Variants in MTBP observed in about 807,000 individuals in gnomAD.
The protein encoded by MTBP is mdm2-binding protein.
In MTBP, 101 loss-of-function variants were observed where a neutral mutation model predicts 117.0. That is an observed-to-expected ratio of 0.86 (90% confidence interval 0.73 to 1.02). The LOEUF is 1.02. Ranked by LOEUF, MTBP falls within the 50% of genes least tolerant of loss-of-function variation. The pLI is 0.00. For missense variants in MTBP, 970 were observed against 1,030.9 expected, an observed-to-expected ratio of 0.94 and a Z score of 0.81; for synonymous variants, 350 against 351.5, an observed-to-expected ratio of 1.00 and a Z score of 0.05.
intron 13 of MTBP, among the ~76,000 whole-genome samples, chr8:120,492,094 C>T (rs932547002): frequency 5.3e-5 from 8 of 152,186 alleles, no homozygotes; most frequent in Non-Finnish European, 8.8e-5. Context: ...TGAAGACAAC[C>T]TTAGAGCTAG....
At chr8:120,446,129 TGAG>T (rs1164673940) in intron 1 of MTBP, among the ~76,000 whole-genome samples, 2 of 152,238 alleles carry the variant, frequency 1.3e-5, no homozygotes, top group Non-Finnish European at 2.9e-5. Context: ...ACAGGCATTT[TGAG>T]GAGTAAATGT....
chr8:120,502,684 G>A, intron 15 of MTBP, 75 bp downstream of exon 15: 1 of 903,704 alleles, frequency 1.1e-6, no homozygotes, highest in Non-Finnish European at 1.7e-6. Flanking sequence ...GTTAAATTAT[G>A]TTTATGAGAT....
intron 11 of MTBP, among the ~76,000 whole-genome samples, chr8:120,476,600 T>C (rs1023029258): frequency 7.2e-5 from 11 of 152,128 alleles, no homozygotes; most frequent in African/African-American, 2.4e-4. Context: ...CAAACATTCC[T>C]ATACACCAAT....
At chr8:120,483,418 G>A (rs530718430) in intron 11 of MTBP, among the ~76,000 whole-genome samples, 104 of 152,134 alleles carry the variant, frequency 6.8e-4, no homozygotes, top group African/African-American at 2.5e-3. Flanking sequence ...CTATCAGTAA[G>A]TCGGAATATT....
rs201107399 is a variant in MTBP at position 120,456,524 on chromosome 8, G to A, written c.630-29G>A. The stretch of plus-strand genomic sequence containing the variant: ...AAATCAGTGAAATATAAAACCCTGT[G>A]TTTAATTGTTGTAATCTTTTTTTTA... On this transcript the variant is annotated intron_variant, in intron 6 of 21. Coordinates refer to ENST00000305949, the MANE Select transcript of MTBP (RefSeq NM_022045.5). 29 of 1,309,146 alleles carry A rather than the reference G, an allele frequency of 2.2e-5. No individual in the cohort carries two copies. In the East Asian group the frequency reaches 6.6e-4, roughly 30 times the overall value. 81.1% of individuals were successfully genotyped at this position (1,309,146 alleles called of 1,614,324 possible).
intron 6 of MTBP, 36 bp downstream of exon 6, chr8:120,455,615 C>T: frequency 4.4e-6 from 7 of 1,586,572 alleles, no homozygotes; most frequent in Non-Finnish European, 6.0e-6. Context: ...TATTGTCTGC[C>T]TTGTCTGTTT....
At chr8:120,510,439 GT>G (rs1586971150) in intron 17 of MTBP, among the ~76,000 whole-genome samples, 1 of 151,890 alleles carries the variant, frequency 6.6e-6, no homozygotes, top group East Asian at 1.9e-4. Context: ...GCACATAATA[GT>G]TTAATTCTCA....
chr8:120,518,867 TC>T (rs1368756030), intron 20 of MTBP, 50 bp downstream of exon 20: 1 of 1,275,558 alleles, frequency 7.8e-7, no homozygotes, highest in Non-Finnish European at 1.1e-6. Flanking sequence ...GTTCTAATGT[TC>T]CTGTTTGACA....
At chr8:120,481,385 G>A (rs1169448433) in intron 11 of MTBP, among the ~76,000 whole-genome samples, 1 of 152,082 alleles carries the variant, frequency 6.6e-6, no homozygotes, top group Non-Finnish European at 1.5e-5. Flanking sequence ...GTTTATAAAA[G>A]CATTATTTGT....
At chr8:120,467,510 G>A (rs1310594504) in intron 10 of MTBP, among the ~76,000 whole-genome samples, 2 of 152,148 alleles carry the variant, frequency 1.3e-5, no homozygotes, top group Non-Finnish European at 2.9e-5. Flanking sequence ...GGAGGCTGAG[G>A]CGGGAGAGTC....
chr8:120,515,823 C>T (rs1336920003), intron 17 of MTBP, 102 bp from the exon 18 acceptor site: 1 of 1,100,320 alleles, frequency 9.1e-7, no homozygotes, highest in African/African-American at 1.6e-5. Flanking sequence ...GGAAATTAAA[C>T]AAGAACTCTT....
chr8:120,447,553 G>T lies in MTBP; in HGVS notation c.199+1040G>T, dbSNP rs370341033. ...AGGGTTTCTTATACACACGGTCCTT[G>T]TTTTGTATGATAGTGTTGTTCTTTA... On this transcript the variant is annotated intron_variant, in intron 2 of 21. Coordinates refer to ENST00000305949, the MANE Select transcript of MTBP (RefSeq NM_022045.5). Among the ~76,000 whole-genome samples the T allele has an allele frequency of 6.8e-4, 103 of 152,176 alleles. 1 individual carries two copies. Among genetic ancestry groups the T allele is most frequent in the African/African-American group, 2.3e-3 (96 of 41,532 alleles).
intron 9 of MTBP, among the ~76,000 whole-genome samples, chr8:120,463,031 G>GA (rs993810590): frequency 1.2e-4 from 18 of 149,138 alleles, no homozygotes; most frequent in Admixed American, 6.0e-4. Flanking sequence ...TCTACAACTT[G>GA]AAAAAAAAAA....
intron 16 of MTBP, among the ~76,000 whole-genome samples, chr8:120,508,307 G>T (rs1332131785): frequency 6.6e-6 from 1 of 152,044 alleles, no homozygotes; most frequent in Non-Finnish European, 1.5e-5. Context: ...TTATCAACAT[G>T]TTTATTTTAG....
chr8:120,502,648 G>A lies in MTBP; in HGVS notation c.1727+39G>A, dbSNP rs769731232. The A allele has an allele frequency of 4.1e-6, 5 of 1,221,112 alleles. No homozygotes were observed. The South Asian group carries it at 7.1e-5, about 17-fold the overall frequency. The allele number at this position is 1,221,112 out of a possible 1,614,324, so 75.6% of individuals were successfully genotyped here. On this transcript the variant is annotated intron_variant, in intron 15 of 21. Transcript: ENST00000305949. The stretch of plus-strand genomic sequence containing the variant: ...CTGTAGTAAAGCATGTGATAGCTCA[G>A]TAATTTGAATGAATTTTTTAAAATA...
intron 11 of MTBP, among the ~76,000 whole-genome samples, chr8:120,487,943 T>A (rs1403387104): frequency 2.0e-5 from 3 of 152,286 alleles, no homozygotes; most frequent in Admixed American, 2.0e-4. Flanking sequence ...TACACATACT[T>A]TTAATTTAAA....
intron 14 of MTBP, among the ~76,000 whole-genome samples, chr8:120,501,080 ACT>A (rs1814574680): frequency 2.0e-5 from 3 of 151,144 alleles, no homozygotes; most frequent in South Asian, 2.1e-4. Context: ...AGTCCCAGCT[ACT>A]CTGGAGGCTG....
chr8:120,471,194 A>C (rs187007274), intron 11 of MTBP: 1 of 272,008 alleles, frequency 3.7e-6, no homozygotes, highest in East Asian at 7.2e-5. Context: ...TATACTGAAC[A>C]TGGGTTTTTT....
At chr8:120,446,560 G>T in intron 2 of MTBP, 47 bp downstream of exon 2, 1 of 1,135,110 alleles carries the variant, frequency 8.8e-7, no homozygotes. Flanking sequence ...ATTTGTACTG[G>T]AAATTAACTT....
Sources: gnomAD v4.1 joint callset for allele counts (sites outside exome capture counted in the v4.1 genomes callset) on GRCh38, gnomAD v4.1.1 for gene constraint, MANE v1.5 for transcripts, NCBI Gene and HGNC (gene_info 2026-07-23, HGNC 2026-07-21) for gene names.